The following NLRP1 variants were observed in gnomAD, a reference collection of about 807,000 sequenced individuals.
NLRP1 encodes the protein NLR family pyrin domain containing 1, also known as NACHT, LRR and PYD domains-containing protein 1.
NLRP1 carries 94 observed loss-of-function variants against 136.7 expected under a neutral mutation model. The observed-to-expected ratio is 0.69, with a 90% CI of 0.58 to 0.82. NLRP1 has a LOEUF of 0.82. NLRP1 is among the 40% of genes least tolerant of loss of function. NLRP1 has a pLI of 0.00. For synonymous variants in NLRP1, 690 were observed against 725.1 expected, an observed-to-expected ratio of 0.95 and a Z score of 0.78; for missense variants, 1,575 against 1,802.7, an observed-to-expected ratio of 0.87 and a Z score of 2.29.
intron 12 of NLRP1, among the ~76,000 whole-genome samples, chr17:5,526,218 T>C (rs979428652): frequency 6.6e-6 from 1 of 152,112 alleles, no homozygotes; most frequent in East Asian, 1.9e-4. Context: ...GCTCAAGTCA[T>C]CCTCCCGTTT....
At chr17:5,560,815 A>C (rs529882352) in intron 3 of NLRP1, among the ~76,000 whole-genome samples, 1 of 152,174 alleles carries the variant, frequency 6.6e-6, no homozygotes, top group African/African-American at 2.4e-5. Flanking sequence ...TCACCTCCCC[A>C]GTAAGCCACC....
chr17:5,502,898 G>C (rs1234888028), intron 15 of NLRP1: 1 of 152,318 alleles, frequency 6.6e-6, no homozygotes, highest in East Asian at 1.9e-4. Flanking sequence ...TGGACTGGAA[G>C]AGTGTCAAGG....
chr17:5,521,335 G>A lies in NLRP1; in HGVS notation c.3783+189C>T, dbSNP rs79122567. ...TGATTGATCAATGAACCTAGCAGGG[G>A]GATACCTTGGAGAGGCAGGAGACCA... On this transcript the variant is annotated intron_variant, in intron 13 of 16. Coordinates refer to ENST00000572272, the MANE Select transcript of NLRP1 (RefSeq NM_033004.4). Among the ~76,000 whole-genome samples the A allele has an allele frequency of 9.6e-3, 1,462 of 152,316 alleles. 21 individuals carry two copies. Among genetic ancestry groups the A allele is most frequent in the African/African-American group, 0.031 (1,291 of 41,580 alleles).
chr17:5,508,019 A>G (rs1194213965), intron 15 of NLRP1, among the ~76,000 whole-genome samples: 1 of 148,458 alleles, frequency 6.7e-6, no homozygotes, highest in African/African-American at 2.5e-5. Context: ...CTGTAATCCT[A>G]GCTACTCAGG....
chr17:5,541,778 C>T lies in NLRP1; in HGVS notation c.2699+79G>A, dbSNP rs1204959807. ...ACTCCCACAAAGCAGGTCTCACCTTCTCTCTGCTCTTACCCTCTGCCTGCC... is the reference window on the plus strand; with the variant it reads ...ACTCCCACAAAGCAGGTCTCACCTTTTCTCTGCTCTTACCCTCTGCCTGCC... On this transcript the variant is annotated intron_variant, in intron 6 of 16. Transcript: ENST00000572272. This position sits in a 1 kb window ranked among gnomAD's most constrained non-coding sequence, Gnocchi z 4.2. 2.8e-6 allele frequency: 4 copies of T among 1,447,988 alleles called. No homozygotes were observed. The highest frequency in any genetic ancestry group is 2.9e-6 in the Non-Finnish European group (3 of 1,043,910). The allele number at this position is 1,447,988 out of a possible 1,614,324, so 89.7% of individuals were successfully genotyped here.
At chr17:5,508,641 A>G (rs1260928692) in intron 15 of NLRP1, among the ~76,000 whole-genome samples, 1 of 152,246 alleles carries the variant, frequency 6.6e-6, no homozygotes, top group Admixed American at 6.5e-5. Flanking sequence ...AGAGGAGAAT[A>G]GTTAAGTAAA....
intron 12 of NLRP1, among the ~76,000 whole-genome samples, chr17:5,523,965 C>A (rs957209539): frequency 9.9e-5 from 15 of 152,168 alleles, no homozygotes; most frequent in African/African-American, 3.6e-4. Context: ...GCTCTGTCAC[C>A]GAGGCTGGAG....
downstream of NLRP1, among the ~76,000 whole-genome samples, chr17:5,511,673 C>T (rs537069385): frequency 2.6e-5 from 4 of 152,102 alleles, no homozygotes; most frequent in South Asian, 2.1e-4. Flanking sequence ...GCGGGGCATG[C>T]GGGGGTTGCG....
In NLRP1 at chr17:5,558,493, T is replaced by C. The variant is rs774130453; in HGVS notation, c.2203A>G (p.Met735Val). The C allele has an allele frequency of 2.5e-6, 4 of 1,614,036 alleles. No homozygotes were observed. The highest frequency in any genetic ancestry group is 2.5e-6 in the Non-Finnish European group (3 of 1,179,996). ...ATGCCCATTTCTTCGAAATGGGCCA[T>C]CACTTGTGTCAGGAACGTTTTGTTC... ...TRNKTFLTQV[M>V]AHFEEMGMCV... The change falls in exon 4 of 17, where the codon ATG becomes GTG. Residue 735 changes from methionine to valine, a missense_variant. Met to Val is a conservative substitution (Grantham distance 21). Coordinates refer to ENST00000572272, the MANE Select transcript of NLRP1 (RefSeq NM_033004.4).
intron 5 of NLRP1, among the ~76,000 whole-genome samples, chr17:5,552,084 CTTTTTTTTTTTTTT>C (rs71151872): frequency 1.1e-3 from 103 of 96,676 alleles, no homozygotes; most frequent in Middle Eastern, 7.1e-3. Context: ...TCTATCTTTC[CTTTTTTTTTTTTTT>C]TTTTTTTTTT....
At chr17:5,564,192 A>G (rs1371087170) in intron 3 of NLRP1, among the ~76,000 whole-genome samples, 1 of 152,220 alleles carries the variant, frequency 6.6e-6, no homozygotes, top group Non-Finnish European at 1.5e-5. Flanking sequence ...TTAACCTTTG[A>G]GTTACAAACA....
Position 5,536,898 on chromosome 17 carries a change from C to T in NLRP1, c.2913G>A (p.Leu971=). 1.9e-6 allele frequency: 3 copies of T among 1,613,900 alleles called. No individual in the cohort carries two copies. Among genetic ancestry groups the T allele is most frequent in the Non-Finnish European group, 2.5e-6 (3 of 1,179,784 alleles). ...TTLSDEMRQE[L]RALEQEKPQL... The stretch of plus-strand genomic sequence containing the variant: ...GAGGTTTCTCCTGCTCCAGGGCCCT[C>T]AGTTCCTGCCTCATCTCATCACTCA... Residue 971 remains leucine (L), a synonymous_variant, in exon 8 of 17, where the codon CTG becomes CTA. Transcript: ENST00000572272.
In NLRP1 at chr17:5,539,680, CT is replaced by C. The variant is rs1911603511; in HGVS notation, c.2700-96del. ...GATCTTCCTTCTCAGCATCTGTGGC[CT>C]TTTGAGGGTCTGGGATGACATGCAG... On this transcript the variant is annotated intron_variant, in intron 6 of 16. Coordinates refer to ENST00000572272, the MANE Select transcript of NLRP1 (RefSeq NM_033004.4). 1.1e-5 allele frequency: 16 copies of C among 1,426,246 alleles called. No homozygotes were observed. In the South Asian group the frequency reaches 1.5e-4, roughly 14 times the overall value. 88.3% of individuals were successfully genotyped at this position (1,426,246 alleles called of 1,614,324 possible).
At chr17:5,556,847 C>T (rs1234177142) in intron 4 of NLRP1, among the ~76,000 whole-genome samples, 1 of 152,048 alleles carries the variant, frequency 6.6e-6, no homozygotes, top group Non-Finnish European at 1.5e-5. Flanking sequence ...TGGTCTCGAA[C>T]TCCTGACCTC....
intron 3 of NLRP1, among the ~76,000 whole-genome samples, chr17:5,564,102 A>T (rs1915060454): frequency 6.6e-6 from 1 of 152,166 alleles, no homozygotes; most frequent in South Asian, 2.1e-4. Context: ...ATTTATGGGG[A>T]TCCATGAGAT....
downstream of NLRP1, among the ~76,000 whole-genome samples, chr17:5,511,556 C>T (rs1041701877): frequency 1.3e-5 from 2 of 152,110 alleles, no homozygotes; most frequent in African/African-American, 4.8e-5. Flanking sequence ...CACTTCGGGG[C>T]TCGCTGCCAT....
chr17:5,569,625 G>A (rs185416714), intron 3 of NLRP1, among the ~76,000 whole-genome samples: 19 of 152,188 alleles, frequency 1.2e-4, no homozygotes, highest in South Asian at 2.1e-4. Context: ...TTCATAAGAC[G>A]AGTTCTTAGA....
intron 4 of NLRP1, among the ~76,000 whole-genome samples, chr17:5,555,214 G>A (rs1173040609): frequency 6.6e-6 from 1 of 152,064 alleles, no homozygotes; most frequent in African/African-American, 2.4e-5. Flanking sequence ...ACTTGAAAAT[G>A]CACAATGCTT....
downstream of NLRP1, among the ~76,000 whole-genome samples, chr17:5,513,414 G>A (rs1245707275): frequency 4.6e-5 from 7 of 152,062 alleles, no homozygotes; most frequent in East Asian, 1.3e-3. Context: ...TTAAAACTGG[G>A]CTTAAGTATT....
Sources: gnomAD v4.1 joint callset for allele counts (sites outside exome capture counted in the v4.1 genomes callset) on GRCh38, gnomAD v4.1.1 for gene constraint, Gnocchi (gnomAD v3.1) non-coding constraint, MANE v1.5 for transcripts, NCBI Gene and HGNC (gene_info 2026-07-23, HGNC 2026-07-21) for gene names.